The following PDE4D variants were observed in gnomAD, a reference collection of about 807,000 sequenced individuals.
PDE4D encodes 3',5'-cyclic-AMP phosphodiesterase 4D.
Under a neutral mutation model 87.4 loss-of-function variants are expected in PDE4D, and 24 were observed. The ratio of observed to expected loss-of-function variants is 0.27; its 90% CI spans 0.20 to 0.39. The LOEUF (loss-of-function observed/expected upper bound fraction) is 0.39, where lower values mean the gene tolerates loss of function less well. Among genes scored for constraint, PDE4D ranks in the 10% least tolerant of loss-of-function variants. The pLI is 1.00. For missense variants in PDE4D, 714 were observed against 1,041.0 expected, an observed-to-expected ratio of 0.69 and a Z score of 4.32; for synonymous variants, 384 against 383.2, an observed-to-expected ratio of 1.00 and a Z score of -0.02.
At chr5:59,631,326 TC>T (rs1292885256) in intron 1 of PDE4D, among the ~76,000 whole-genome samples, 1 of 152,214 alleles carries the variant, frequency 6.6e-6, no homozygotes, top group Non-Finnish European at 1.5e-5. Flanking sequence ...TCTTCTCTTA[TC>T]CCTTATGCCC....
intron 1 of PDE4D, among the ~76,000 whole-genome samples, chr5:59,300,020 GAGAATCGCTTGA>G (rs1297583167): frequency 1.4e-5 from 2 of 147,806 alleles, no homozygotes; most frequent in Non-Finnish European, 3.0e-5. Flanking sequence ...GCTGAGGCAG[GAGAATCGCTTGA>G]ACTCAGGAGG....
chr5:60,185,511 A>C, intron 2 of PDE4D: 1 of 1,265,574 alleles, frequency 7.9e-7, no homozygotes, highest in Non-Finnish European at 1.1e-6. Flanking sequence ...CTAAAATGTT[A>C]TATGTACATG....
At chr5:60,170,946 C>A (rs780431632) in intron 2 of PDE4D, among the ~76,000 whole-genome samples, 6 of 151,862 alleles carry the variant, frequency 4.0e-5, no homozygotes, top group Non-Finnish European at 8.8e-5. Flanking sequence ...ATAATCTAAC[C>A]ATTGAAATAT....
chr5:59,796,789 T>C (rs1460018961), intron 1 of PDE4D, among the ~76,000 whole-genome samples: 1 of 152,222 alleles, frequency 6.6e-6, no homozygotes, highest in Non-Finnish European at 1.5e-5. Context: ...AACAGCATAA[T>C]ATTTAGATGC....
At chr5:59,638,050 T>A (rs1412841275) in intron 1 of PDE4D, among the ~76,000 whole-genome samples, 1 of 152,200 alleles carries the variant, frequency 6.6e-6, no homozygotes, top group South Asian at 2.1e-4. Flanking sequence ...TATTACTTAA[T>A]GTTGTTACTC....
intron 3 of PDE4D, among the ~76,000 whole-genome samples, chr5:59,979,371 C>T (rs1582015608): frequency 6.7e-6 from 1 of 149,972 alleles, no homozygotes; most frequent in African/African-American, 2.4e-5. Flanking sequence ...ATTTAAAAAA[C>T]AAGTATTCTA....
At chr5:60,446,394 A>C (rs2150142796) in intron 1 of PDE4D, among the ~76,000 whole-genome samples, 2 of 152,306 alleles carry the variant, frequency 1.3e-5, no homozygotes, top group African/African-American at 4.8e-5. Context: ...TTTAACCATT[A>C]AAAAACTATA....
At chr5:59,386,380 T>C (rs1263910648) in intron 1 of PDE4D, among the ~76,000 whole-genome samples, 1 of 152,070 alleles carries the variant, frequency 6.6e-6, no homozygotes, top group African/African-American at 2.4e-5. Flanking sequence ...AAAGAAAATA[T>C]TTCTTTTTAT....
At chr5:60,142,658 A>G (rs1467181537) in intron 2 of PDE4D, among the ~76,000 whole-genome samples, 4 of 152,182 alleles carry the variant, frequency 2.6e-5, no homozygotes, top group Admixed American at 6.5e-5. Context: ...TATTATACAC[A>G]AAGGGGAGAA....
chr5:59,612,195 T>C (rs1473146630), intron 1 of PDE4D, among the ~76,000 whole-genome samples: 2 of 151,646 alleles, frequency 1.3e-5, no homozygotes, highest in Non-Finnish European at 2.9e-5. Context: ...CTAAAAACAA[T>C]TAATTCAATA....
intron 5 of PDE4D, among the ~76,000 whole-genome samples, chr5:59,072,610 T>C (rs1451643191): frequency 6.6e-6 from 1 of 152,194 alleles, no homozygotes; most frequent in African/African-American, 2.4e-5. Flanking sequence ...CCCACTTTCT[T>C]TGTCCTTGTC....
chr5:59,143,394 G>GTA (rs1778185845), intron 5 of PDE4D, among the ~76,000 whole-genome samples: 1 of 152,190 alleles, frequency 6.6e-6, no homozygotes, highest in Admixed American at 6.5e-5. Context: ...TCAAGTAGAT[G>GTA]TATAGCATGG....
At chr5:59,771,004 G>A (rs13189631) in intron 1 of PDE4D, among the ~76,000 whole-genome samples, 17,831 of 151,782 alleles carry the variant, frequency 0.12, 1,178 homozygotes, top group Middle Eastern at 0.2. Flanking sequence ...GGTGGCATGC[G>A]TCTGCAGTCC....
At chr5:60,106,357 G>A (rs927502952) in intron 2 of PDE4D, among the ~76,000 whole-genome samples, 11 of 151,416 alleles carry the variant, frequency 7.3e-5, no homozygotes, top group Non-Finnish European at 1.2e-4. Context: ...GATTCATAAA[G>A]CAAGTCCTGA....
intron 1 of PDE4D, among the ~76,000 whole-genome samples, chr5:59,290,778 C>A (rs547274714): frequency 2.6e-5 from 4 of 152,128 alleles, no homozygotes; most frequent in African/African-American, 9.6e-5. Flanking sequence ...AACATCTGAA[C>A]ACACATTTCT....
At chr5:59,392,086 A>G (rs12186633) in intron 1 of PDE4D, among the ~76,000 whole-genome samples, 13,683 of 151,952 alleles carry the variant, frequency 0.09, 725 homozygotes, top group Middle Eastern at 0.16. Flanking sequence ...CAGAGAAGAA[A>G]GCTCAGAACA....
At chr5:59,330,247 G>T (rs1159475203) in intron 1 of PDE4D, among the ~76,000 whole-genome samples, 2 of 152,192 alleles carry the variant, frequency 1.3e-5, no homozygotes, top group Non-Finnish European at 2.9e-5. Context: ...TAAATTTCTT[G>T]ATATTCTCCA....
intron 1 of PDE4D, among the ~76,000 whole-genome samples, chr5:59,390,481 T>C (rs962125995): frequency 1.3e-5 from 2 of 152,180 alleles, no homozygotes; most frequent in Non-Finnish European, 2.9e-5. Flanking sequence ...ACTAAATTTC[T>C]GCTGCATAAA....
intron 1 of PDE4D, among the ~76,000 whole-genome samples, chr5:59,654,489 G>T (rs1273014814): frequency 6.6e-6 from 1 of 152,172 alleles, no homozygotes; most frequent in African/African-American, 2.4e-5. Flanking sequence ...TTTGTATCAG[G>T]AAGGTCATGA....
Sources: allele counts gnomAD v4.1 joint callset (sites outside exome capture counted in the v4.1 genomes callset), GRCh38; gene constraint gnomAD v4.1.1; transcripts MANE v1.5; gene names NCBI Gene and HGNC (gene_info 2026-07-23, HGNC 2026-07-21).